TOPORS: variants seen among roughly 807,000 people sequenced by gnomAD.
TOPORS encodes the protein TOP1 binding arginine/serine rich protein, E3 ubiquitin ligase, also known as E3 ubiquitin-protein ligase Topors.
TOPORS carries 25 observed loss-of-function variants against 81.4 expected under a neutral mutation model. The observed-to-expected ratio is 0.31, with a 90% CI of 0.22 to 0.43. The LOEUF (loss-of-function observed/expected upper bound fraction) is 0.43, where lower values mean the gene tolerates loss of function less well. Among genes scored for constraint, TOPORS ranks in the 20% least tolerant of loss-of-function variants. The pLI is 1.00. For missense variants in TOPORS, 1,101 were observed against 1,267.0 expected (o/e 0.87, Z 1.99); for synonymous variants, 473 against 456.6 (o/e 1.04, Z -0.46).
intron 2 of TOPORS, among the ~76,000 whole-genome samples, chr9:32,549,286 G>C (rs1222303370): frequency 1.3e-5 from 2 of 151,976 alleles, no homozygotes; most frequent in South Asian, 2.1e-4. Context: ...CAGCCTGGGC[G>C]AAAGAGCAAG....
intron 2 of TOPORS, among the ~76,000 whole-genome samples, chr9:32,547,523 A>C (rs1213690040): frequency 6.6e-6 from 1 of 152,246 alleles, no homozygotes; most frequent in African/African-American, 2.4e-5. Context: ...GGCAATAAAA[A>C]GGAACAAAGT....
intron 2 of TOPORS, among the ~76,000 whole-genome samples, chr9:32,549,636 C>G (rs576193617): frequency 3.3e-5 from 5 of 152,114 alleles, no homozygotes; most frequent in Non-Finnish European, 7.4e-5. Flanking sequence ...AGCTCATCAC[C>G]CATAACTGAT....
chr9:32,549,185 T>C (rs1472882582), intron 2 of TOPORS, among the ~76,000 whole-genome samples: 3 of 152,098 alleles, frequency 2.0e-5, no homozygotes, highest in Non-Finnish European at 4.4e-5. Flanking sequence ...CGGGCGCCTG[T>C]AGTCCCAGCT....
In TOPORS at chr9:32,542,683, A is replaced by G. The variant is rs142238397; in HGVS notation, c.1842T>C (p.Asn614=). 6.2e-7 allele frequency: 1 copy of G among 1,613,836 alleles called. No individual in the cohort carries two copies. The highest frequency in any genetic ancestry group is 8.5e-7 in the Non-Finnish European group (1 of 1,179,990). The change falls in exon 3 of 3, where the codon AAT becomes AAC. Residue 614 remains asparagine (N), a synonymous_variant. Coordinates refer to ENST00000360538, the MANE Select transcript of TOPORS (RefSeq NM_005802.5). ...SQSRSGHDQK[N]HRKHHGKKRM... is the part of the protein sequence containing the mutation. ...TTTTCTTCCCATGATGCTTTCTATG[A>G]TTCTTCTGATCATGCCCACTTCTAC...
chr9:32,541,259 C>A lies in TOPORS; in HGVS notation c.*128G>T. ...TACAAATTAACACCAAAAAAAAAAT[C>A]ATTTAAAATATTGTAAGGAGGAAGA... On this transcript the variant is annotated 3_prime_UTR_variant, in exon 3 of 3. Transcript: ENST00000360538. The A allele has an allele frequency of 3.2e-6, 3 of 927,610 alleles. No homozygotes were observed. The highest frequency in any genetic ancestry group is 3.2e-6 in the Non-Finnish European group (2 of 627,086). 57.5% of individuals were successfully genotyped at this position (927,610 alleles called of 1,614,324 possible).
intron 2 of TOPORS, among the ~76,000 whole-genome samples, chr9:32,547,647 T>C (rs1036444307): frequency 3.9e-5 from 6 of 152,114 alleles, no homozygotes; most frequent in African/African-American, 1.2e-4. Context: ...ATGTCCAGAA[T>C]AGGCAAATCT....
chr9:32,550,685 C>G, intron 2 of TOPORS, 89 bp downstream of exon 2: 1 of 1,516,846 alleles, frequency 6.6e-7, no homozygotes, highest in Non-Finnish European at 9.1e-7. Context: ...GACCGCAACC[C>G]TCGGGTCCCG....
At chr9:32,547,060 AAC>A (rs1285464034) in intron 2 of TOPORS, among the ~76,000 whole-genome samples, 3 of 141,626 alleles carry the variant, frequency 2.1e-5, no homozygotes, top group Admixed American at 2.1e-4. Flanking sequence ...CAAACAAACA[AAC>A]AGTCTTCATC....
At chr9:32,546,016 G>A (rs1821136112) in intron 2 of TOPORS, among the ~76,000 whole-genome samples, 1 of 152,094 alleles carries the variant, frequency 6.6e-6, no homozygotes, top group Non-Finnish European at 1.5e-5. Context: ...TATTAAACCT[G>A]CTCACTTTAG....
chr9:32,551,580 CT>C (rs1821261254), intron 1 of TOPORS: 1 of 254,322 alleles, frequency 3.9e-6, no homozygotes, highest in Non-Finnish European at 8.4e-6. Context: ...GACTAAAACT[CT>C]TTTAAGATAA....
In TOPORS at chr9:32,541,830, C is replaced by T. The variant is rs138266918; in HGVS notation, c.2695G>A (p.Asp899Asn). 69 of 1,614,152 alleles carry T rather than the reference C, an allele frequency of 4.3e-5. No homozygotes were observed. In the African/African-American group the frequency reaches 8.7e-4, roughly 20 times the overall value. Residue 899 changes from aspartate to asparagine, a missense_variant, in exon 3 of 3, where the codon GAT becomes AAT. This residue lies in a region of TOPORS where 605 missense variants were observed against 636.1 expected (regional missense o/e 0.95). Transcript: ENST00000360538. ...HKKKHKKHHGDNASRSPVVIT... is the reference protein window; with the variant it reads ...HKKKHKKHHGNNASRSPVVIT... The stretch of plus-strand genomic sequence containing the variant: ...ACAACTGGGGAACGTGAAGCATTAT[C>T]TCCATGGTGTTTCTTATGCTTCTTC...
At chr9:32,546,420 G>A (rs1242092277) in intron 2 of TOPORS, among the ~76,000 whole-genome samples, 1 of 152,210 alleles carries the variant, frequency 6.6e-6, no homozygotes, top group African/African-American at 2.4e-5. Context: ...CTGGACTGAA[G>A]ACCAGGCTTC....
In TOPORS at chr9:32,542,393, T is replaced by C. The variant is rs1821079528; in HGVS notation, c.2132A>G (p.Lys711Arg). ...KWEYTYYSRN[K>R]DRDGYESSYR... ...AGATGATTCGTACCCATCCCTGTCC[T>C]TGTTTCTACTGTAATAAGTATACTC... Residue 711 changes from lysine (K) to arginine (R), a missense_variant, in exon 3 of 3, where the codon AAG becomes AGG. Transcript: ENST00000360538. The C allele has an allele frequency of 1.2e-6, 2 of 1,613,906 alleles. No homozygotes were observed.
chr9:32,541,353 ACAT>A lies in TOPORS; in HGVS notation c.*31_*33del, dbSNP rs537094100. ...ACATTCTTCCTTTTTCCTTTTTATAACATCATAATTCTCAATGAAATGCTTTGG... is the reference window on the plus strand; with the variant it reads ...ACATTCTTCCTTTTTCCTTTTTATAACATAATTCTCAATGAAATGCTTTGG... On this transcript the variant is annotated 3_prime_UTR_variant, in exon 3 of 3. Transcript: ENST00000360538. The A allele has an allele frequency of 4.6e-4, 747 of 1,609,240 alleles. 4 individuals carry two copies. In the African/African-American group the frequency reaches 8.7e-3, roughly 19 times the overall value.
At chr9:32,551,407 G>T (rs1156814388) in intron 1 of TOPORS, 1 of 325,384 alleles carries the variant, frequency 3.1e-6, no homozygotes, top group East Asian at 8.1e-5. Flanking sequence ...GGAGTCCAAC[G>T]GGATCCCAAA....
chr9:32,547,220 A>G (rs1821151687), intron 2 of TOPORS, among the ~76,000 whole-genome samples: 1 of 147,362 alleles, frequency 6.8e-6, no homozygotes, highest in Non-Finnish European at 1.5e-5. Context: ...AAGAAAAAGA[A>G]ACATCAAACA....
Position 32,542,848 on chromosome 9 carries a change from CTTTGA to C in TOPORS, c.1672_1676del (p.Ser558GlufsTer29). On this transcript the variant is annotated frameshift_variant, in exon 3 of 3. Coordinates refer to ENST00000360538, the MANE Select transcript of TOPORS (RefSeq NM_005802.5). LOFTEE classifies it high-confidence loss of function. The stretch of plus-strand genomic sequence containing the variant: ...ATGATGTAGATCGTTTCTCTTCCTT[CTTTGA>C]TTTGATTCTTGTACTAGAATCACAA... 6.2e-7 allele frequency: 1 copy of C among 1,614,050 alleles called. No individual in the cohort carries two copies. The highest frequency in any genetic ancestry group is 8.5e-7 in the Non-Finnish European group (1 of 1,180,004).
In TOPORS at chr9:32,544,346, A is replaced by G. The variant is rs781335450; in HGVS notation, c.199-20T>C. 7.5e-6 allele frequency: 12 copies of G among 1,597,424 alleles called. No homozygotes were observed. In the East Asian group the frequency reaches 1.8e-4, roughly 24 times the overall value. The stretch of plus-strand genomic sequence containing the variant: ...CATTATCTGTAAAAGGGAAAGAAAT[A>G]TATCAGTAACCTGATAATAGAGGAA... On this transcript the variant is annotated intron_variant, in intron 2 of 2. Coordinates refer to ENST00000360538, the MANE Select transcript of TOPORS (RefSeq NM_005802.5).
intron 2 of TOPORS, among the ~76,000 whole-genome samples, chr9:32,548,655 T>A (rs1466869887): frequency 1.3e-5 from 2 of 152,064 alleles, no homozygotes; most frequent in Non-Finnish European, 2.9e-5. Context: ...GTGTTACGGG[T>A]TTTCCATCCT....
Sources: allele counts gnomAD v4.1 joint callset (sites outside exome capture counted in the v4.1 genomes callset), GRCh38; gene constraint gnomAD v4.1.1; regional missense constraint gnomAD v4.1.1; transcripts MANE v1.5; gene names NCBI Gene and HGNC (gene_info 2026-07-23, HGNC 2026-07-21).